The following PLXDC2 variants were observed in gnomAD, a reference collection of about 807,000 sequenced individuals.
The protein encoded by PLXDC2 is plexin domain-containing protein 2.
In PLXDC2, 40 loss-of-function variants were observed where a neutral mutation model predicts 68.9. The ratio of observed to expected loss-of-function variants is 0.58; its 90% confidence interval spans 0.45 to 0.76. The LOEUF is 0.76. Ranked by LOEUF, PLXDC2 falls within the 30% of genes least tolerant of loss-of-function variation. The probability of loss-of-function intolerance (pLI) is 0.00; values close to 1 mark genes in which losing one functional copy is unlikely to be tolerated. For synonymous variants in PLXDC2, 243 were observed against 234.2 expected, an observed-to-expected ratio of 1.04 and a Z score of -0.34; for missense variants, 644 against 661.9, an observed-to-expected ratio of 0.97 and a Z score of 0.30.
chr10:20,154,532 C>T (rs1055679562), intron 6 of PLXDC2, among the ~76,000 whole-genome samples: 1 of 150,412 alleles, frequency 6.6e-6, no homozygotes, highest in Non-Finnish European at 1.5e-5. Flanking sequence ...CCACTGCCTT[C>T]CAGCCTGGGC....
intron 1 of PLXDC2, among the ~76,000 whole-genome samples, chr10:19,820,291 G>A (rs1836439184): frequency 6.6e-6 from 1 of 152,146 alleles, no homozygotes; most frequent in Admixed American, 6.5e-5. Flanking sequence ...TTTTGCTCCA[G>A]ACAGGTTTCT....
At chr10:20,251,960 A>G (rs11011909) in intron 13 of PLXDC2, among the ~76,000 whole-genome samples, 22,255 of 151,626 alleles carry the variant, frequency 0.15, 1,657 homozygotes, top group Non-Finnish European at 0.15. Flanking sequence ...AAAAAAAAGT[A>G]AAAACTAAGA....
rs148296111 is a variant in PLXDC2, at chr10:19,945,642, G to T, written c.113-56133G>T. Among the ~76,000 whole-genome samples the T allele has an allele frequency of 3.1e-3, 465 of 152,128 alleles. 1 individual carries two copies. Among genetic ancestry groups the T allele is most frequent in the African/African-American group, 1.0e-2 (413 of 41,498 alleles). On this transcript the variant is annotated intron_variant, in intron 1 of 13. Transcript: ENST00000377252. ...TGTTATGTGACCTGAATTGTCTGTG[G>T]GCTCATCAGATCCACAGAGGACTCC...
intron 13 of PLXDC2, among the ~76,000 whole-genome samples, chr10:20,252,958 TATC>T (rs759330799): frequency 3.1e-5 from 4 of 128,258 alleles, no homozygotes; most frequent in Non-Finnish European, 7.4e-5. Context: ...TCCTTATTAT[TATC>T]ATCATTATCC....
At chr10:19,881,175 G>A (rs1426223122) in intron 1 of PLXDC2, among the ~76,000 whole-genome samples, 2 of 151,932 alleles carry the variant, frequency 1.3e-5, no homozygotes, top group African/African-American at 4.8e-5. Context: ...GTGTGCAGTG[G>A]CATGATCCCA....
chr10:20,284,061 C>G lies in PLXDC2; in HGVS notation c.*4242C>G, dbSNP rs1281752224. On this transcript the variant is annotated 3_prime_UTR_variant, in exon 14 of 14. Transcript: ENST00000377252. The stretch of plus-strand genomic sequence containing the variant: ...AAAGGTTTTGCCAGGATCCACAGAT[C>G]GCTTCAAGATGCTTTCGTTTATGAT... 1.3e-5 allele frequency: 2 copies of G among 152,012 alleles called. No homozygotes were observed. Among genetic ancestry groups the G allele is most frequent in the Admixed American group, 1.3e-4 (2 of 15,252 alleles). The allele number at this position is 152,012 out of a possible 1,614,324, so 9.4% of individuals were successfully genotyped here.
At chr10:19,929,438 A>G (rs1833591891) in intron 1 of PLXDC2, among the ~76,000 whole-genome samples, 1 of 152,180 alleles carries the variant, frequency 6.6e-6, no homozygotes, top group South Asian at 2.1e-4. Context: ...TGAAAGGTTA[A>G]ATAGATTGTC....
At chr10:20,057,546 G>A (rs758868052) in intron 3 of PLXDC2, among the ~76,000 whole-genome samples, 5 of 152,070 alleles carry the variant, frequency 3.3e-5, no homozygotes, top group African/African-American at 4.8e-5. Flanking sequence ...TCTAGACATA[G>A]TATTCCCATC....
At position 19,956,273 on chromosome 10, in the gene PLXDC2, C is replaced by CG. The variant is rs1414216362; in HGVS notation, c.113-45502_113-45501insG. 1.8e-4 allele frequency among the ~76,000 whole-genome samples: 27 copies of CG among 152,134 alleles called. 1 individual carries two copies. Among genetic ancestry groups the CG allele is most frequent in the African/African-American group, 4.8e-4 (20 of 41,492 alleles). On this transcript the variant is annotated intron_variant, in intron 1 of 13. Transcript: ENST00000377252. The stretch of plus-strand genomic sequence containing the variant: ...AAAGAATGGCAACTACTCTCAGGTG[C>CG]AGGGGGGTGTCTCAGCACTTGAATA...
chr10:19,889,761 C>G (rs1212918366), intron 1 of PLXDC2, among the ~76,000 whole-genome samples: 4 of 152,112 alleles, frequency 2.6e-5, no homozygotes, highest in Non-Finnish European at 5.9e-5. Flanking sequence ...CAAGGGAGGC[C>G]TTGACATTTT....
chr10:20,143,148 T>A, intron 4 of PLXDC2, 147 bp from the exon 5 acceptor site: 1 of 816,596 alleles, frequency 1.2e-6, no homozygotes, highest in Non-Finnish European at 1.8e-6. Context: ...GTTAATTAGA[T>A]ACTAAGATAT....
rs192557545 is a variant in PLXDC2, at chr10:20,080,156, T to G, written c.541+11917T>G. On this transcript the variant is annotated intron_variant, in intron 4 of 13. Coordinates refer to ENST00000377252, the MANE Select transcript of PLXDC2 (RefSeq NM_032812.9). Reference sequence around the variant, plus strand: ...GTTTCTGGTATTTATTATAAAGCATTTGGGGGTTGTCACTCTCATTCTATC... The same window carrying G: ...GTTTCTGGTATTTATTATAAAGCATGTGGGGGTTGTCACTCTCATTCTATC... Among the ~76,000 whole-genome samples the G allele has an allele frequency of 1.5e-4, 23 of 152,222 alleles. No homozygotes were observed. In the East Asian group the frequency reaches 4.3e-3, roughly 28 times the overall value.
intron 1 of PLXDC2, among the ~76,000 whole-genome samples, chr10:19,903,897 G>C (rs1838200730): frequency 6.6e-6 from 1 of 151,918 alleles, no homozygotes; most frequent in Non-Finnish European, 1.5e-5. Context: ...TTATCGTTCA[G>C]TTCAAATATT....
intron 1 of PLXDC2, among the ~76,000 whole-genome samples, chr10:19,973,764 A>G (rs942521670): frequency 6.6e-6 from 1 of 152,142 alleles, no homozygotes; most frequent in African/African-American, 2.4e-5. Flanking sequence ...AACCATTAAT[A>G]AGCACTCTTT....
chr10:20,247,275 C>G (rs886794569), intron 13 of PLXDC2, among the ~76,000 whole-genome samples: 1 of 119,452 alleles, frequency 8.4e-6, no homozygotes, highest in Non-Finnish European at 1.7e-5. Context: ...GCCTGGGCAA[C>G]ATGGTGAAAC....
chr10:19,971,454 G>A (rs1016611453), intron 1 of PLXDC2, among the ~76,000 whole-genome samples: 6 of 152,058 alleles, frequency 3.9e-5, no homozygotes, highest in Non-Finnish European at 7.4e-5. Flanking sequence ...TTGTTATACC[G>A]GAAATCAGAG....
chr10:20,031,464 C>T (rs1052013946), intron 2 of PLXDC2, among the ~76,000 whole-genome samples: 2 of 152,120 alleles, frequency 1.3e-5, no homozygotes, highest in African/African-American at 4.8e-5. Context: ...ATTTGATTCA[C>T]TATTCAGTTT....
intron 12 of PLXDC2, among the ~76,000 whole-genome samples, chr10:20,239,607 C>CA (rs1436758190): frequency 6.6e-6 from 1 of 152,142 alleles, no homozygotes; most frequent in East Asian, 1.9e-4. Flanking sequence ...AATCACCTCC[C>CA]ACCAGGTCCC....
chr10:19,999,947 T>C (rs1385147779), intron 1 of PLXDC2, among the ~76,000 whole-genome samples: 1 of 152,154 alleles, frequency 6.6e-6, no homozygotes, highest in Non-Finnish European at 1.5e-5. Context: ...TTATGCCGGA[T>C]CATACAACCA....
Sources: allele counts gnomAD v4.1 joint callset (sites outside exome capture counted in the v4.1 genomes callset), GRCh38; gene constraint gnomAD v4.1.1; transcripts MANE v1.5; gene names NCBI Gene and HGNC (gene_info 2026-07-23, HGNC 2026-07-21).